Variants in CACNA1C observed in about 807,000 individuals in gnomAD.
CACNA1C encodes calcium voltage-gated channel subunit alpha1 C.
CACNA1C carries 30 observed loss-of-function variants against 229.0 expected under a neutral mutation model. The observed-to-expected ratio is 0.13, with a 90% CI of 0.10 to 0.18. The LOEUF (loss-of-function observed/expected upper bound fraction) is 0.18, where lower values mean the gene tolerates loss of function less well. Ranked by LOEUF, CACNA1C falls within the 10% of genes least tolerant of loss-of-function variation. The probability of loss-of-function intolerance (pLI) is 1.00; values close to 1 mark genes in which losing one functional copy is unlikely to be tolerated. For missense variants in CACNA1C, 1,658 were observed against 2,845.0 expected (o/e 0.58, Z 9.49); for synonymous variants, 1,114 against 1,132.5 (o/e 0.98, Z 0.33).
chr12:2,457,790 A>G, intron 5 of CACNA1C, 84 bp downstream of exon 5: 1 of 1,218,256 alleles, frequency 8.2e-7, no homozygotes, highest in Non-Finnish European at 1.1e-6. Context: ...AACACTCTGC[A>G]AAGGGACCTG....
At chr12:2,333,933 C>G (rs2096621721) in intron 3 of CACNA1C, among the ~76,000 whole-genome samples, 3 of 152,226 alleles carry the variant, frequency 2.0e-5, no homozygotes. Context: ...TTACTTGCCT[C>G]CCGTCATTGG....
intron 3 of CACNA1C, among the ~76,000 whole-genome samples, chr12:2,384,255 C>A (rs907773964): frequency 2.6e-5 from 4 of 152,212 alleles, no homozygotes; most frequent in Non-Finnish European, 5.9e-5. Context: ...TCTTCATATT[C>A]TCGAAGATGT....
At chr12:2,001,091 G>GA (rs990189344) in intron 1 of CACNA1C, among the ~76,000 whole-genome samples, 1 of 151,418 alleles carries the variant, frequency 6.6e-6, no homozygotes, top group African/African-American at 2.4e-5. Flanking sequence ...ATCTTTTGAT[G>GA]AAAAAACGTC....
At chr12:2,103,349 T>C (rs1236886844) in intron 1 of CACNA1C, among the ~76,000 whole-genome samples, 1 of 152,266 alleles carries the variant, frequency 6.6e-6, no homozygotes, top group Non-Finnish European at 1.5e-5. Context: ...TGATGAGCTT[T>C]TTTTATATAG....
intron 13 of CACNA1C, among the ~76,000 whole-genome samples, chr12:2,572,369 T>C (rs1487070679): frequency 6.3e-4 from 1 of 1,578 alleles, no homozygotes; most frequent in Admixed American, 0.01. Flanking sequence ...CTCCTCCTTC[T>C]CCTCTTCCTC....
chr12:2,218,713 A>T (rs546975184), intron 3 of CACNA1C, among the ~76,000 whole-genome samples: 20 of 152,226 alleles, frequency 1.3e-4, no homozygotes, highest in Non-Finnish European at 2.5e-4. Context: ...CTACTGTAAT[A>T]CGTGAAATAG....
chr12:2,497,168 C>T (rs1297856655), intron 7 of CACNA1C, among the ~76,000 whole-genome samples: 1 of 152,208 alleles, frequency 6.6e-6, no homozygotes, highest in Non-Finnish European at 1.5e-5. Flanking sequence ...GGGTCAGCCT[C>T]CTTTGCAGGA....
rs568154617 is a variant in CACNA1C, at chr12:2,183,734, C to T, written c.477+63304C>T. ...GCCCTGCTCTGCCCTCGTCTCTTGC[C>T]TTCCCGCCAGGTGGGTCAGGAAATA... On this transcript the variant is annotated intron_variant, in intron 3 of 46. Coordinates refer to ENST00000399655, the MANE Select transcript of CACNA1C (RefSeq NM_000719.7). Among the ~76,000 whole-genome samples the T allele has an allele frequency of 1.2e-4, 19 of 152,368 alleles. No homozygotes were observed. In the East Asian group the frequency reaches 2.3e-3, roughly 19 times the overall value.
In CACNA1C at chr12:2,319,042, A is replaced by G. The variant is rs368545604; in HGVS notation, c.478-129934A>G. 5.3e-5 allele frequency among the ~76,000 whole-genome samples: 8 copies of G among 152,184 alleles called. No homozygotes were observed. In the South Asian group the frequency reaches 6.2e-4, roughly 12 times the overall value. ...GACAATAGTGGTGTTTCCAAGGACC[A>G]ATCTTTACTCTCCAGAGTGGGGCTT... is the stretch of plus-strand genomic sequence containing the variant. On this transcript the variant is annotated intron_variant, in intron 3 of 46. Coordinates refer to ENST00000399655, the MANE Select transcript of CACNA1C (RefSeq NM_000719.7). This position sits in a 1 kb window ranked among gnomAD's most constrained non-coding sequence, Gnocchi z 4.0.
intron 18 of CACNA1C, among the ~76,000 whole-genome samples, chr12:2,590,759 A>G (rs2064915878): frequency 6.6e-6 from 1 of 152,232 alleles, no homozygotes; most frequent in Non-Finnish European, 1.5e-5. Context: ...GCTATAGTAA[A>G]TATGGGTTTC....
At chr12:2,416,492 C>T (rs570970726) in intron 3 of CACNA1C, among the ~76,000 whole-genome samples, 27 of 152,280 alleles carry the variant, frequency 1.8e-4, no homozygotes, top group Admixed American at 6.5e-4. Context: ...TAGCTGCTAC[C>T]GTCTCCATTT....
At chr12:2,103,707 T>C (rs1330170089) in intron 1 of CACNA1C, among the ~76,000 whole-genome samples, 1 of 152,228 alleles carries the variant, frequency 6.6e-6, no homozygotes, top group Non-Finnish European at 1.5e-5. Flanking sequence ...TTTACGGTTT[T>C]AGGTCTTAAG....
At chr12:2,481,807 A>T (rs1189769073) in intron 5 of CACNA1C, among the ~76,000 whole-genome samples, 1 of 152,270 alleles carries the variant, frequency 6.6e-6, no homozygotes, top group Non-Finnish European at 1.5e-5. Context: ...AAACAGGCTC[A>T]TCACATGCGT....
At chr12:2,120,280 A>G in intron 2 of CACNA1C, 45 bp from the exon 3 acceptor site, 3 of 923,592 alleles carry the variant, frequency 3.2e-6, no homozygotes, top group African/African-American at 3.2e-5. Context: ...TGTTTGTTTC[A>G]CTTGTACTTT....
At chr12:2,465,483 G>A (rs1335301928) in intron 5 of CACNA1C, among the ~76,000 whole-genome samples, 1 of 152,130 alleles carries the variant, frequency 6.6e-6, no homozygotes, top group African/African-American at 2.4e-5. Flanking sequence ...TGAAAACCTT[G>A]TTTGTTTAGG....
chr12:2,430,737 G>T (rs946931799), intron 3 of CACNA1C, among the ~76,000 whole-genome samples: 9 of 152,018 alleles, frequency 5.9e-5, no homozygotes, highest in Non-Finnish European at 1.3e-4. Context: ...TCTGGATGTG[G>T]AGGTCTCCTT....
At chr12:2,219,308 C>G (rs1223763808) in intron 3 of CACNA1C, among the ~76,000 whole-genome samples, 1 of 152,198 alleles carries the variant, frequency 6.6e-6, no homozygotes, top group Non-Finnish European at 1.5e-5. Context: ...CTGTTTCCTT[C>G]TTGACTCCTG....
At chr12:2,623,171 G>A (rs1056469565) in intron 29 of CACNA1C, among the ~76,000 whole-genome samples, 1 of 152,196 alleles carries the variant, frequency 6.6e-6, no homozygotes, top group East Asian at 1.9e-4. Flanking sequence ...TGGGACAAGG[G>A]TTTAGGATTT....
chr12:2,572,768 G>C (rs1237772245), intron 13 of CACNA1C, among the ~76,000 whole-genome samples: 69 of 36,958 alleles, frequency 1.9e-3, no homozygotes, highest in African/African-American at 6.8e-3. Context: ...TCCTTCTTCT[G>C]TTCCTCCTTC....
Sources: allele counts gnomAD v4.1 joint callset (sites outside exome capture counted in the v4.1 genomes callset), GRCh38; gene constraint gnomAD v4.1.1; non-coding constraint Gnocchi (gnomAD v3.1); transcripts MANE v1.5; gene names NCBI Gene and HGNC (gene_info 2026-07-23, HGNC 2026-07-21).